SVOPL: variants seen among roughly 807,000 people sequenced by gnomAD.
The protein encoded by SVOPL is SVOP like.
SVOPL carries 60 observed loss-of-function variants against 61.0 expected under a neutral mutation model. That is an observed-to-expected ratio of 0.98 (90% CI 0.80 to 1.22). SVOPL has a LOEUF of 1.22. Among genes scored for constraint, SVOPL ranks in the 50% most tolerant of loss-of-function variants. The probability of loss-of-function intolerance (pLI) is 0.00; values close to 1 mark genes in which losing one functional copy is unlikely to be tolerated. For synonymous variants in SVOPL, 279 were observed against 250.0 expected (o/e 1.12, Z -1.09); for missense variants, 662 against 643.9 (o/e 1.03, Z -0.30).
At chr7:138,613,906 G>A (rs951081977) in intron 14 of SVOPL, among the ~76,000 whole-genome samples, 2 of 152,074 alleles carry the variant, frequency 1.3e-5, no homozygotes, top group Non-Finnish European at 2.9e-5. Context: ...ACCAGTTTGC[G>A]ATTTTTCCTG....
At chr7:138,673,910 C>T (rs1005060056) in intron 3 of SVOPL, among the ~76,000 whole-genome samples, 9 of 152,088 alleles carry the variant, frequency 5.9e-5, no homozygotes, top group South Asian at 2.1e-4. Context: ...ACTGACCAGG[C>T]GAGGTGGCTT....
At chr7:138,602,697 T>C (rs2116762842) in intron 14 of SVOPL, among the ~76,000 whole-genome samples, 1 of 124,194 alleles carries the variant, frequency 8.1e-6, no homozygotes, top group Admixed American at 8.0e-5. Context: ...CAAAAGCCCC[T>C]GCCCTTGCAT....
At chr7:138,613,167 G>A (rs1035586468) in intron 14 of SVOPL, among the ~76,000 whole-genome samples, 8 of 151,710 alleles carry the variant, frequency 5.3e-5, no homozygotes, top group South Asian at 4.2e-4. Context: ...CTACAGACGC[G>A]TGCCACCACG....
chr7:138,696,558 C>G lies in SVOPL; in HGVS notation c.-35+4620G>C, dbSNP rs111826767. ...CTGCCTCAGCCTCCCAAGTAGCTGG[C>G]ATTACAGGTGCCCGCCACCATATCC... On this transcript the variant is annotated intron_variant, in intron 1 of 15. Transcript: ENST00000674285. Among the ~76,000 whole-genome samples, 21 of 152,000 alleles carry G rather than the reference C, an allele frequency of 1.4e-4. 1 individual carries two copies. The highest frequency in any genetic ancestry group is 4.8e-4 in the African/African-American group (20 of 41,478).
intron 7 of SVOPL, among the ~76,000 whole-genome samples, chr7:138,655,585 A>ACC (rs1221700200): frequency 1.3e-5 from 2 of 150,942 alleles, no homozygotes; most frequent in African/African-American, 2.4e-5. Flanking sequence ...ACACACACAC[A>ACC]CCCCTACACA....
rs183753017 is a variant in SVOPL at position 138,659,875 on chromosome 7, G to C, written c.459C>G (p.Gly153=). 1 of 1,551,460 alleles carries C rather than the reference G, an allele frequency of 6.4e-7. No individual in the cohort carries two copies. Among genetic ancestry groups the C allele is most frequent in the African/African-American group, 1.4e-5 (1 of 73,084 alleles). The change falls in exon 6 of 16, where the codon GGC becomes GGG. Residue 153 remains glycine (G), a synonymous_variant. Transcript: ENST00000674285. The part of the protein sequence containing the change: ...LRTMVGCGVS[G]HSQGLIIKTE... ...GGTAACATATTTACCCTTGCGAGTG[G>C]CCGGACACACCACAGCCCACCATCG...
At chr7:138,596,833 C>CGTT in intron 14 of SVOPL, 9 of 1,106,904 alleles carry the variant, frequency 8.1e-6, no homozygotes, top group African/African-American at 1.6e-5. Context: ...GGGATCTGCC[C>CGTT]GTTTCCCCAC....
intron 3 of SVOPL, among the ~76,000 whole-genome samples, chr7:138,677,705 C>T (rs12707393): frequency 0.22 from 33,856 of 150,616 alleles, 4,397 homozygotes; most frequent in Middle Eastern, 0.41. Flanking sequence ...CTAAGGGCAG[C>T]CACTATAAGA....
Position 138,663,077 on chromosome 7 carries a change from C to T in SVOPL, c.342G>A (p.Trp114Ter). The T allele has an allele frequency of 6.2e-7, 1 of 1,614,172 alleles. No individual in the cohort carries two copies. The highest frequency in any genetic ancestry group is 8.5e-7 in the Non-Finnish European group (1 of 1,180,028). Residue 114 changes from tryptophan (W) to a stop codon, truncating the protein, a stop_gained, in exon 5 of 16, where the codon TGG becomes TGA. Coordinates refer to ENST00000674285, the MANE Select transcript of SVOPL (RefSeq NM_001139456.2). LOFTEE classifies it high-confidence loss of function. ...GCTACTGTGAGGCCCCACCTACCTTCCAGCGGCCATATCTGTCAGCCAGGA... is the reference window on the plus strand; with the variant it reads ...GCTACTGTGAGGCCCCACCTACCTTTCAGCGGCCATATCTGTCAGCCAGGA... ...FGLLADRYGR[W>*]KILLISFLWG...
intron 9 of SVOPL, among the ~76,000 whole-genome samples, chr7:138,638,201 A>G (rs1263421237): frequency 6.7e-6 from 1 of 148,842 alleles, no homozygotes; most frequent in Non-Finnish European, 1.5e-5. Context: ...TGGACCCAGG[A>G]AGGGGAGGTT....
intron 14 of SVOPL, among the ~76,000 whole-genome samples, chr7:138,605,047 C>A (rs1165541135): frequency 6.6e-6 from 1 of 151,262 alleles, no homozygotes; most frequent in African/African-American, 2.4e-5. Flanking sequence ...GAGCCCTGAG[C>A]TCTAAAAAAG....
intron 8 of SVOPL, among the ~76,000 whole-genome samples, chr7:138,648,102 G>A (rs1019017606): frequency 2.0e-5 from 3 of 152,146 alleles, no homozygotes; most frequent in Non-Finnish European, 4.4e-5. Context: ...TGATTCTACA[G>A]TTGAACAACC....
intron 9 of SVOPL, among the ~76,000 whole-genome samples, chr7:138,634,991 G>T (rs1659807): frequency 9.2e-5 from 14 of 151,888 alleles, no homozygotes; most frequent in African/African-American, 2.9e-4. Flanking sequence ...AATATGGGCC[G>T]GGCGCAGTGG....
intron 4 of SVOPL, chr7:138,663,680 A>G: frequency 1.2e-6 from 1 of 855,540 alleles, no homozygotes; most frequent in Non-Finnish European, 1.4e-6. Context: ...AAATTCAAGG[A>G]CCTGGGATTT....
Position 138,596,110 on chromosome 7 carries a change from A to G in SVOPL, c.1467+307T>C, listed in dbSNP as rs969745629. On this transcript the variant is annotated intron_variant, in intron 15 of 15. Coordinates refer to ENST00000674285, the MANE Select transcript of SVOPL (RefSeq NM_001139456.2). ...AGGCTGAGGCAGGAGAAGCACTTAA[A>G]CCCAGGAGGTGGAGGTTGCAGTGAG... Among the ~76,000 whole-genome samples, 3 of 150,804 alleles carry G rather than the reference A, an allele frequency of 2.0e-5. No homozygotes were observed. In the Admixed American group the frequency reaches 2.0e-4, roughly 10 times the overall value.
intron 1 of SVOPL, among the ~76,000 whole-genome samples, chr7:138,683,563 T>C (rs968031468): frequency 9.2e-5 from 14 of 151,992 alleles, no homozygotes; most frequent in African/African-American, 3.1e-4. Flanking sequence ...AGACGTACGT[T>C]TCTCCATGTT....
In SVOPL at chr7:138,635,446, C is replaced by T. The variant is rs993019942; in HGVS notation, c.790-5324G>A. Among the ~76,000 whole-genome samples the T allele has an allele frequency of 2.6e-5, 4 of 151,018 alleles. No homozygotes were observed. The East Asian group carries it at 5.8e-4, about 22-fold the overall frequency. ...GGGGTGGGGGTCTCACTATATTGCC[C>T]AGGCTGGTCTCGAACTCCTGGTCTC... On this transcript the variant is annotated intron_variant, in intron 9 of 15. Coordinates refer to ENST00000674285, the MANE Select transcript of SVOPL (RefSeq NM_001139456.2).
intron 7 of SVOPL, among the ~76,000 whole-genome samples, chr7:138,655,522 A>C (rs1019024467): frequency 6.6e-6 from 1 of 151,836 alleles, no homozygotes; most frequent in African/African-American, 2.4e-5. Flanking sequence ...TAAAATAAAA[A>C]TATCAGAGCC....
At chr7:138,642,643 A>G (rs1027843891) in intron 9 of SVOPL, among the ~76,000 whole-genome samples, 1 of 151,776 alleles carries the variant, frequency 6.6e-6, no homozygotes, top group Non-Finnish European at 1.5e-5. Flanking sequence ...CCTGGGCAAC[A>G]TGGTGGAAAC....
Sources: gnomAD v4.1 joint callset for allele counts (sites outside exome capture counted in the v4.1 genomes callset) on GRCh38, gnomAD v4.1.1 for gene constraint, MANE v1.5 for transcripts, NCBI Gene and HGNC (gene_info 2026-07-23, HGNC 2026-07-21) for gene names.